PRKN: variants seen among roughly 807,000 people sequenced by gnomAD.
PRKN encodes parkin RBR E3 ubiquitin protein ligase.
PRKN carries 56 observed loss-of-function variants against 59.5 expected under a neutral mutation model. The ratio of observed to expected loss-of-function variants is 0.94; its 90% CI spans 0.76 to 1.18. PRKN has a LOEUF of 1.18. PRKN is among the 50% of genes most tolerant of loss of function. The pLI, the probability that PRKN is intolerant of heterozygous loss-of-function variation, is 0.00. For missense variants in PRKN, 657 were observed against 596.4 expected, an observed-to-expected ratio of 1.10 and a Z score of -1.06; for synonymous variants, 250 against 222.1, an observed-to-expected ratio of 1.13 and a Z score of -1.12.
At chr6:162,548,232 G>C (rs1012506342) in intron 1 of PRKN, among the ~76,000 whole-genome samples, 26 of 151,774 alleles carry the variant, frequency 1.7e-4, no homozygotes, top group Admixed American at 2.0e-4. Context: ...GCTAATTTTT[G>C]TATTTTTAGT....
intron 4 of PRKN, among the ~76,000 whole-genome samples, chr6:162,078,552 G>A (rs1352591242): frequency 6.6e-6 from 1 of 151,986 alleles, no homozygotes. Flanking sequence ...CTAAGGCCAA[G>A]AAAACAGTTA....
At chr6:161,714,605 G>C (rs770803884) in intron 7 of PRKN, among the ~76,000 whole-genome samples, 35 of 152,284 alleles carry the variant, frequency 2.3e-4, no homozygotes, top group Non-Finnish European at 2.6e-4. Flanking sequence ...AACAGACTAA[G>C]ACAGGGAGTG....
chr6:162,454,227 T>C (rs568888545), intron 1 of PRKN, among the ~76,000 whole-genome samples: 42 of 152,336 alleles, frequency 2.8e-4, no homozygotes, highest in Middle Eastern at 6.8e-3. Flanking sequence ...ATCACGTCAG[T>C]TGTGCCATAT....
chr6:161,725,568 A>C (rs915091622), intron 7 of PRKN, among the ~76,000 whole-genome samples: 1 of 152,202 alleles, frequency 6.6e-6, no homozygotes, highest in African/African-American at 2.4e-5. Flanking sequence ...TTCACAAAGC[A>C]TCCCTTCTAG....
At chr6:162,008,747 G>A (rs1263436285) in intron 5 of PRKN, among the ~76,000 whole-genome samples, 1 of 152,068 alleles carries the variant, frequency 6.6e-6, no homozygotes, top group African/African-American at 2.4e-5. Flanking sequence ...AAGACACCAT[G>A]GCCCCAGTGA....
At position 161,525,999 on chromosome 6, in the gene PRKN, G is replaced by A. The variant is rs889851471; in HGVS notation, c.1083+22855C>T. Among the ~76,000 whole-genome samples the A allele has an allele frequency of 2.0e-5, 3 of 152,136 alleles. No individual in the cohort carries two copies. Among genetic ancestry groups the A allele is most frequent in the East Asian group, 3.8e-4 (2 of 5,200 alleles). Reference sequence around the variant, plus strand: ...ACTGAAAGATAGGTTTAAGTTGCCTGTAACCCAAATCTGTGTATATAAGCA... The same window carrying A: ...ACTGAAAGATAGGTTTAAGTTGCCTATAACCCAAATCTGTGTATATAAGCA... On this transcript the variant is annotated intron_variant, in intron 9 of 11. Coordinates refer to ENST00000366898, the MANE Select transcript of PRKN (RefSeq NM_004562.3). The surrounding 1 kb of genome is among the most constrained non-coding windows in gnomAD (Gnocchi z 4.7).
intron 1 of PRKN, among the ~76,000 whole-genome samples, chr6:162,622,363 TAGTAGAGAC>T (rs1782711306): frequency 6.6e-6 from 1 of 151,872 alleles, no homozygotes; most frequent in African/African-American, 2.4e-5. Context: ...TTTGCATTTT[TAGTAGAGAC>T]GGGGTTTTGC....
rs1361337201 is a variant in PRKN, at chr6:161,358,767, A to G, written c.1285+1321T>C. Among the ~76,000 whole-genome samples, 3 of 141,564 alleles carry G rather than the reference A, an allele frequency of 2.1e-5. 1 individual carries two copies. The Admixed American group carries it at 2.1e-4, about 10-fold the overall frequency. 92.9% of individuals were successfully genotyped at this position (141,564 alleles called of 152,430 possible). ...GAGACTAGAGAAGCTCTTTCCTTCC[A>G]TCCCATCAGTGCCTTCTGCTCTTTT... On this transcript the variant is annotated intron_variant, in intron 11 of 11. Coordinates refer to ENST00000366898, the MANE Select transcript of PRKN (RefSeq NM_004562.3).
Position 161,414,327 on chromosome 6 carries a change from C to T in PRKN, c.1084-27450G>A, listed in dbSNP as rs951463434. On this transcript the variant is annotated intron_variant, in intron 9 of 11. Transcript: ENST00000366898. This position sits in a 1 kb window ranked among gnomAD's most constrained non-coding sequence, Gnocchi z 5.3. ...AGCGGCCAGTCTCTGTGTTCTCGGGCGCTCTGTGTCAGGTCCTGGTATTTA... is the reference window on the plus strand; with the variant it reads ...AGCGGCCAGTCTCTGTGTTCTCGGGTGCTCTGTGTCAGGTCCTGGTATTTA... Among the ~76,000 whole-genome samples, 2 of 152,154 alleles carry T rather than the reference C, an allele frequency of 1.3e-5. No homozygotes were observed. The highest frequency in any genetic ancestry group is 2.9e-5 in the Non-Finnish European group (2 of 68,032).
At chr6:162,269,552 G>A (rs1275905340) in intron 2 of PRKN, 1 of 152,206 alleles carries the variant, frequency 6.6e-6, no homozygotes, top group Non-Finnish European at 1.5e-5. Flanking sequence ...TGGCAGAAGT[G>A]CCCAGCCAGT....
rs1468779980 is a variant in PRKN at position 162,443,375 on chromosome 6, C to A, written c.106G>T (p.Val36Phe). The A allele has an allele frequency of 3.7e-6, 6 of 1,613,786 alleles. No homozygotes were observed. Among genetic ancestry groups the A allele is most frequent in the Non-Finnish European group, 5.1e-6 (6 of 1,180,024 alleles). The change falls in exon 2 of 12, where the codon GTT becomes TTT. Residue 36 changes from valine (V) to phenylalanine (F), a missense_variant. Val to Phe is a conservative substitution (Grantham distance 50). Coordinates refer to ENST00000366898, the MANE Select transcript of PRKN (RefSeq NM_004562.3). Reference sequence around the variant, plus strand: ...ATCACACGCAACTGGTCAGCCGGAACCCCCTGTCGCTTAGCAACCACCTCC... The same window carrying A: ...ATCACACGCAACTGGTCAGCCGGAAACCCCTGTCGCTTAGCAACCACCTCC... ...LKEVVAKRQG[V>F]PADQLRVIFA... is the part of the protein sequence containing the mutation.
chr6:161,867,143 C>T (rs757049418), intron 6 of PRKN, among the ~76,000 whole-genome samples: 11 of 152,032 alleles, frequency 7.2e-5, no homozygotes, highest in Non-Finnish European at 1.2e-4. Flanking sequence ...TTCTATATTG[C>T]GAGTTGATTT....
At position 161,549,850 on chromosome 6, in the gene PRKN, C is replaced by T. The variant is rs898829099; in HGVS notation, c.934-847G>A. The stretch of plus-strand genomic sequence containing the variant: ...AGACTCTATCGAGGCGCTGGGGATA[C>T]AGCAGTGAATGAACAAACTTCTCCG... On this transcript the variant is annotated intron_variant, in intron 8 of 11. Transcript: ENST00000366898. This position sits in a 1 kb window ranked among gnomAD's most constrained non-coding sequence, Gnocchi z 6.0. Among the ~76,000 whole-genome samples, 1 of 152,168 alleles carries T rather than the reference C, an allele frequency of 6.6e-6. No individual in the cohort carries two copies. Among genetic ancestry groups the T allele is most frequent in the Admixed American group, 6.5e-5 (1 of 15,276 alleles).
chr6:162,679,067 G>T (rs1779667044), intron 1 of PRKN, among the ~76,000 whole-genome samples: 1 of 98,932 alleles, frequency 1.0e-5, no homozygotes, highest in African/African-American at 3.5e-5. Flanking sequence ...GAGCCACTGT[G>T]CCTGGCCTTT....
intron 4 of PRKN, among the ~76,000 whole-genome samples, chr6:162,107,822 A>T (rs1339587920): frequency 6.6e-6 from 1 of 152,170 alleles, no homozygotes; most frequent in South Asian, 2.1e-4. Context: ...GCTTTTCCAT[A>T]AACTTTTCCT....
chr6:162,048,127 A>G (rs1777456058), intron 5 of PRKN, among the ~76,000 whole-genome samples: 1 of 152,186 alleles, frequency 6.6e-6, no homozygotes, highest in African/African-American at 2.4e-5. Flanking sequence ...AAAATCAAAT[A>G]ATCTAAAAAA....
intron 1 of PRKN, among the ~76,000 whole-genome samples, chr6:162,586,712 A>G (rs1264402372): frequency 1.3e-5 from 2 of 152,170 alleles, no homozygotes; most frequent in African/African-American, 4.8e-5. Flanking sequence ...TAAATGGATG[A>G]CTTTTTCCCT....
chr6:161,854,843 G>A (rs970403270), intron 6 of PRKN, among the ~76,000 whole-genome samples: 1 of 152,056 alleles, frequency 6.6e-6, no homozygotes. Context: ...CCAGCAGTCT[G>A]GGAGGCCGAG....
intron 3 of PRKN, among the ~76,000 whole-genome samples, chr6:162,227,303 TC>T (rs1025516462): frequency 8.5e-5 from 13 of 152,150 alleles, no homozygotes; most frequent in African/African-American, 3.1e-4. Flanking sequence ...AGGGTTTTTT[TC>T]CCCCACCTTA....
Sources: allele counts gnomAD v4.1 joint callset (sites outside exome capture counted in the v4.1 genomes callset), GRCh38; gene constraint gnomAD v4.1.1; non-coding constraint Gnocchi (gnomAD v3.1); transcripts MANE v1.5; gene names NCBI Gene and HGNC (gene_info 2026-07-23, HGNC 2026-07-21).